The following FREM3 variants were observed in gnomAD, a reference collection of about 807,000 sequenced individuals.
FREM3 encodes the protein FRAS1-related extracellular matrix protein 3.
In FREM3, 105 loss-of-function variants were observed where a neutral mutation model predicts 129.1. The ratio of observed to expected loss-of-function variants is 0.81; its 90% CI spans 0.69 to 0.96. The LOEUF is 0.96. FREM3 is among the 40% of genes least tolerant of loss of function. The pLI is 0.00. For missense variants in FREM3, 2,593 were observed against 2,666.3 expected, an observed-to-expected ratio of 0.97 and a Z score of 0.61; for synonymous variants, 1,014 against 1,044.9, an observed-to-expected ratio of 0.97 and a Z score of 0.57.
chr4:143,661,290 T>C (rs1739717495), intron 2 of FREM3, among the ~76,000 whole-genome samples: 1 of 152,240 alleles, frequency 6.6e-6, no homozygotes, highest in Admixed American at 6.5e-5. Context: ...GTTTTTAGCA[T>C]GAAGGTAAGG....
At chr4:143,652,307 C>G (rs575130827) in intron 2 of FREM3, among the ~76,000 whole-genome samples, 1 of 95,556 alleles carries the variant, frequency 1.0e-5, no homozygotes, top group African/African-American at 3.2e-5. Context: ...GGACTACAGG[C>G]GCCCGCCACC....
chr4:143,659,398 C>T (rs1318699696), intron 2 of FREM3, among the ~76,000 whole-genome samples: 4 of 152,150 alleles, frequency 2.6e-5, no homozygotes, highest in Non-Finnish European at 5.9e-5. Context: ...CAATTTCATC[C>T]ATGTCACTAC....
intron 2 of FREM3, among the ~76,000 whole-genome samples, chr4:143,659,517 T>C (rs1295651958): frequency 2.0e-5 from 3 of 152,076 alleles, no homozygotes; most frequent in Non-Finnish European, 4.4e-5. Flanking sequence ...GTCTTTGCTA[T>C]TGTGAATAGT....
rs187704042 is a variant in FREM3, at chr4:143,580,919, G to A, written c.6179-3067C>T. Among the ~76,000 whole-genome samples, 23 of 152,214 alleles carry A rather than the reference G, an allele frequency of 1.5e-4. No homozygotes were observed. In the East Asian group the frequency reaches 3.7e-3, roughly 24 times the overall value. ...GCTTCTGCTACCTCTTACTGGGCAG[G>A]GCCTCCCGACCTGGGACACCAGCCA... On this transcript the variant is annotated intron_variant, in intron 7 of 7. Coordinates refer to ENST00000329798, the MANE Select transcript of FREM3 (RefSeq NM_001168235.2).
In FREM3 at chr4:143,699,459, A is replaced by G; in HGVS notation, c.1217T>C (p.Leu406Pro). The change falls in exon 1 of 8, where the codon CTG becomes CCG. Residue 406 changes from leucine to proline, a missense_variant. Transcript: ENST00000329798. The surrounding 1 kb of genome is among the most constrained non-coding windows in gnomAD (Gnocchi z 4.2). Reference protein sequence around the residue: ...SHGERLFQLELEVVDGDGAAS... With the variant: ...SHGERLFQLEPEVVDGDGAAS... ...GGCGCCGTCTCCGTCCACCACCTCC[A>G]GCTCCAGCTGAAAGAGGCGCTCCCC... The G allele has an allele frequency of 1.3e-6, 2 of 1,537,282 alleles. No homozygotes were observed. Among genetic ancestry groups the G allele is most frequent in the Non-Finnish European group, 1.7e-6 (2 of 1,146,920 alleles).
intron 2 of FREM3, among the ~76,000 whole-genome samples, chr4:143,650,422 G>A (rs1486510218): frequency 6.6e-6 from 1 of 152,218 alleles, no homozygotes; most frequent in Non-Finnish European, 1.5e-5. Flanking sequence ...ATCAATGACT[G>A]TGGTATCTAA....
At chr4:143,688,169 C>T (rs572742063) in intron 2 of FREM3, among the ~76,000 whole-genome samples, 14 of 152,212 alleles carry the variant, frequency 9.2e-5, no homozygotes, top group South Asian at 8.3e-4. Context: ...ATAGAGTTTA[C>T]GGATACAAGA....
At chr4:143,669,170 A>C (rs991134289) in intron 2 of FREM3, among the ~76,000 whole-genome samples, 2 of 152,216 alleles carry the variant, frequency 1.3e-5, no homozygotes, top group African/African-American at 4.8e-5. Flanking sequence ...TTTCTCTAAA[A>C]TAAAAATGAG....
Position 143,699,032 on chromosome 4 carries a change from A to T in FREM3, c.1644T>A (p.Thr548=), listed in dbSNP as rs1005913063. The change falls in exon 1 of 8, where the codon ACT becomes ACA. Residue 548 remains threonine, a synonymous_variant. Transcript: ENST00000329798. This position sits in a 1 kb window ranked among gnomAD's most constrained non-coding sequence, Gnocchi z 4.2. ...CTTCAGTGAGTGAGAGTCCTGTGTT[A>T]GTATTGACCATTGGTGGTTCATCAT... ...PVDDEPPMVN[T]NTGLSLTEGQ... 1.3e-6 allele frequency: 2 copies of T among 1,537,226 alleles called. No homozygotes were observed. The highest frequency in any genetic ancestry group is 2.7e-5 in the African/African-American group (2 of 73,034).
chr4:143,699,747 A>C lies in FREM3; in HGVS notation c.929T>G (p.Met310Arg), dbSNP rs761035800. The C allele has an allele frequency of 3.3e-5, 50 of 1,520,246 alleles. No individual in the cohort carries two copies. In the South Asian group the frequency reaches 3.9e-4, roughly 12 times the overall value. The allele number at this position is 1,520,246 out of a possible 1,614,324, so 94.2% of individuals were successfully genotyped here. The change falls in exon 1 of 8, where the codon ATG becomes AGG. Residue 310 changes from methionine to arginine, a missense_variant. By Grantham distance (91) the Met-to-Arg change is moderately conservative. Around this residue, in one of 2 missense-constraint regions of FREM3, gnomAD observed 2,276 missense variants for 2,267.2 expected, o/e 1.00. Transcript: ENST00000329798. The surrounding 1 kb of genome is among the most constrained non-coding windows in gnomAD (Gnocchi z 4.2). The part of the protein sequence containing the change: ...AENTPPRPSF[M>R]ATMMMEVDPL... ...ATCCACCTCCATCATCATCGTGGCC[A>C]TGAAGCTGGGCCTGGGCGGTGTGTT... is the stretch of plus-strand genomic sequence containing the variant.
intron 6 of FREM3, among the ~76,000 whole-genome samples, chr4:143,602,340 G>T (rs1738587733): frequency 6.6e-6 from 1 of 152,142 alleles, no homozygotes; most frequent in Admixed American, 6.6e-5. Context: ...TTCTAAAAAA[G>T]ATATAATTAC....
In FREM3 at chr4:143,620,436, A is replaced by G. The variant is rs79726114; in HGVS notation, c.5779+601T>C. Reference sequence around the variant, plus strand: ...TGTTTCCGTAATTTTCGTTTTCTGCATAGTTGCTAATAAGATGTTAGAGAA... The same window carrying G: ...TGTTTCCGTAATTTTCGTTTTCTGCGTAGTTGCTAATAAGATGTTAGAGAA... On this transcript the variant is annotated intron_variant, in intron 5 of 7. Transcript: ENST00000329798. Among the ~76,000 whole-genome samples the G allele has an allele frequency of 8.1e-3, 1,239 of 152,248 alleles. 22 individuals are homozygous for G. Among genetic ancestry groups the G allele is most frequent in the African/African-American group, 0.029 (1,186 of 41,558 alleles).
chr4:143,672,257 A>C (rs972418872), intron 2 of FREM3, among the ~76,000 whole-genome samples: 2 of 152,206 alleles, frequency 1.3e-5, no homozygotes, highest in African/African-American at 4.8e-5. Context: ...AAAGCCAAAG[A>C]AGCAAGAATG....
At position 143,585,892 on chromosome 4, in the gene FREM3, A is replaced by T; in HGVS notation, c.6130T>A (p.Ser2044Thr). ...WRRGTDLSQP[S>T]SIAVRSRKSE... is the part of the protein sequence containing the mutation. The stretch of plus-strand genomic sequence containing the variant: ...TTTCTGGAGCGCACGGCGATGGATG[A>T]TGGTTGGGAAAGATCAGTGCCTCTT... Residue 2044 changes from serine (S) to threonine (T), a missense_variant, in exon 7 of 8, where the codon TCA becomes ACA. Physicochemically the swap from Ser to Thr is moderately conservative, Grantham distance 58 (BLOSUM62 1). Transcript: ENST00000329798. The surrounding 1 kb of genome is among the most constrained non-coding windows in gnomAD (Gnocchi z 4.2). 6.5e-7 allele frequency: 1 copy of T among 1,537,358 alleles called. No individual in the cohort carries two copies. The highest frequency in any genetic ancestry group is 2.0e-5 in the Admixed American group (1 of 51,006).
intron 2 of FREM3, among the ~76,000 whole-genome samples, chr4:143,691,790 C>T (rs774701540): frequency 2.0e-5 from 3 of 152,090 alleles, no homozygotes; most frequent in South Asian, 2.1e-4. Context: ...TTGTTTGTAA[C>T]GTTGTCCACA....
At chr4:143,665,158 C>G (rs1005716991) in intron 2 of FREM3, among the ~76,000 whole-genome samples, 1 of 152,222 alleles carries the variant, frequency 6.6e-6, no homozygotes, top group East Asian at 1.9e-4. Context: ...GATGGAAATG[C>G]AGAAATCACC....
chr4:143,647,420 G>A (rs1448859537), intron 2 of FREM3, among the ~76,000 whole-genome samples: 1 of 152,172 alleles, frequency 6.6e-6, no homozygotes, highest in Non-Finnish European at 1.5e-5. Context: ...AGACAATGGG[G>A]AAAAATGTCT....
chr4:143,657,319 T>C (rs747346961), intron 2 of FREM3, among the ~76,000 whole-genome samples: 1 of 152,234 alleles, frequency 6.6e-6, no homozygotes, highest in Admixed American at 6.5e-5. Context: ...TAAAATGCTT[T>C]CCATAAGAAT....
chr4:143,663,967 A>C (rs1438048851), intron 2 of FREM3, among the ~76,000 whole-genome samples: 1 of 152,028 alleles, frequency 6.6e-6, no homozygotes, highest in Non-Finnish European at 1.5e-5. Flanking sequence ...TGTATTGGTT[A>C]TTCTAGTCAT....
Sources: allele counts gnomAD v4.1 joint callset (sites outside exome capture counted in the v4.1 genomes callset), GRCh38; gene constraint gnomAD v4.1.1; regional missense constraint gnomAD v4.1.1; non-coding constraint Gnocchi (gnomAD v3.1); transcripts MANE v1.5; gene names NCBI Gene and HGNC (gene_info 2026-07-23, HGNC 2026-07-21).